The following CORO6 variants were observed in gnomAD, a reference collection of about 807,000 sequenced individuals.
CORO6 encodes coronin-6.
CORO6 carries 43 observed loss-of-function variants against 49.0 expected under a neutral mutation model. The ratio of observed to expected loss-of-function variants is 0.88; its 90% CI spans 0.69 to 1.13. The LOEUF (loss-of-function observed/expected upper bound fraction) is 1.13. Among genes scored for constraint, CORO6 ranks in the 50% most tolerant of loss-of-function variants. The pLI, the probability that CORO6 is intolerant of heterozygous loss-of-function variation, is 0.00. For missense variants in CORO6, 650 were observed against 647.0 expected, an observed-to-expected ratio of 1.00 and a Z score of -0.05; for synonymous variants, 233 against 256.5, an observed-to-expected ratio of 0.91 and a Z score of 0.88.
intron 5 of CORO6, 41 bp downstream of exon 5, chr17:29,618,749 T>A (rs755670079): frequency 6.2e-7 from 1 of 1,600,564 alleles, no homozygotes; most frequent in South Asian, 1.1e-5. Context: ...AGCTGGCCAC[T>A]GGTCAAGGGG....
rs1341385895 is a variant in CORO6 at position 29,617,601 on chromosome 17, C to G, written c.652G>C (p.Glu218Gln). 3 of 1,600,688 alleles carry G rather than the reference C, an allele frequency of 1.9e-6. No homozygotes were observed. The Admixed American group carries it at 5.2e-5, about 27-fold the overall frequency. ...QVVAERFAAHEGMRPMRAVFT... is the reference protein window; with the variant it reads ...QVVAERFAAHQGMRPMRAVFT... ...ACGGCCCGCATGGGCCTCATCCCCT[C>G]GTGGGCCGCAAACCTCTCCTGGGGG... The change falls in exon 6 of 11, where the codon GAG becomes CAG. Residue 218 changes from glutamate to glutamine, a missense_variant. By Grantham distance (29) the Glu-to-Gln change is conservative (BLOSUM62 2). Transcript: ENST00000388767.
chr17:29,618,780 A>C lies in CORO6; in HGVS notation c.633+10T>G. On this transcript the variant is annotated intron_variant, in intron 5 of 10. Transcript: ENST00000388767. Reference sequence around the variant, plus strand: ...AGGGGTTCTGGGGAGTGGCCAGGCCAGGCACTCACCGCCACCACTTGGCCT... The same window carrying C: ...AGGGGTTCTGGGGAGTGGCCAGGCCCGGCACTCACCGCCACCACTTGGCCT... The C allele has an allele frequency of 1.9e-6, 3 of 1,612,404 alleles. No individual in the cohort carries two copies. The highest frequency in any genetic ancestry group is 2.5e-6 in the Non-Finnish European group (3 of 1,179,442).
chr17:29,617,445 C>T, intron 6 of CORO6, 55 bp downstream of exon 6: 1 of 1,565,696 alleles, frequency 6.4e-7, no homozygotes, highest in Non-Finnish European at 8.6e-7. Flanking sequence ...CGCCTGGCCA[C>T]TCTCCCGTGA....
chr17:29,618,062 C>T (rs1438186658), intron 5 of CORO6: 2 of 1,500,568 alleles, frequency 1.3e-6, no homozygotes, highest in Non-Finnish European at 1.8e-6. Flanking sequence ...TCCCAGAGCG[C>T]GAGTTGCCGC....
In CORO6 at chr17:29,615,360, G is replaced by T; in HGVS notation, c.*372C>A. 5.2e-6 allele frequency: 1 copy of T among 191,552 alleles called. No homozygotes were observed. Among genetic ancestry groups the T allele is most frequent in the Admixed American group, 5.9e-5 (1 of 16,932 alleles). The allele number at this position is 191,552 out of a possible 1,614,324, so 11.9% of individuals were successfully genotyped here. A position where few individuals can be genotyped will look rare whatever the true frequency, so the allele number is the denominator to read the frequency against. ...GTACCCATCAAATCGCCACCCGTTT[G>T]AGGTCAAGCTCAGGCTCCAATAACC... On this transcript the variant is annotated 3_prime_UTR_variant, in exon 11 of 11. Coordinates refer to ENST00000388767, the MANE Select transcript of CORO6 (RefSeq NM_032854.4).
At chr17:29,622,120 A>G (rs2035336059) in intron 1 of CORO6, 1 of 153,682 alleles carries the variant, frequency 6.5e-6, no homozygotes, top group African/African-American at 2.4e-5. Context: ...TCCTTTCTGC[A>G]CTGGCTTCTC....
chr17:29,617,126 TG>T, intron 6 of CORO6, 84 bp from the exon 7 acceptor site: 1 of 1,580,056 alleles, frequency 6.3e-7, no homozygotes. Flanking sequence ...TTACGCTTCC[TG>T]GCCTTCCCAA....
At position 29,621,218 on chromosome 17, in the gene CORO6, C is replaced by G; in HGVS notation, c.198+6G>C. ...TCCCACTTGCTTCCTTTCCCTGATCCCTCACCTTGGCCAGAGGCAGGACGA... is the reference window on the plus strand; with the variant it reads ...TCCCACTTGCTTCCTTTCCCTGATCGCTCACCTTGGCCAGAGGCAGGACGA... On this transcript the variant is annotated splice_donor_region_variant and intron_variant, in intron 2 of 10. Transcript: ENST00000388767. The surrounding 1 kb of genome is among the most constrained non-coding windows in gnomAD (Gnocchi z 4.2). 6.2e-7 allele frequency: 1 copy of G among 1,614,040 alleles called. No individual in the cohort carries two copies.
Position 29,616,199 on chromosome 17 carries a change from GA to G in CORO6, c.1063-25del. 6.2e-7 allele frequency: 1 copy of G among 1,610,758 alleles called. No homozygotes were observed. Among genetic ancestry groups the G allele is most frequent in the Non-Finnish European group, 8.5e-7 (1 of 1,177,774 alleles). ...GACTGCGGGGGTGGGTGGACAGGAGGACTTGCGTGAGAGGGTGCGGGGCTTG... is the reference window on the plus strand; with the variant it reads ...GACTGCGGGGGTGGGTGGACAGGAGGCTTGCGTGAGAGGGTGCGGGGCTTG... On this transcript the variant is annotated intron_variant, in intron 9 of 10. Coordinates refer to ENST00000388767, the MANE Select transcript of CORO6 (RefSeq NM_032854.4). This position sits in a 1 kb window ranked among gnomAD's most constrained non-coding sequence, Gnocchi z 5.6.
Position 29,619,770 on chromosome 17 carries a change from C to G in CORO6, c.202G>C (p.Gly68Arg), listed in dbSNP as rs1245543428. The G allele has an allele frequency of 6.2e-7, 1 of 1,608,926 alleles. No homozygotes were observed. The highest frequency in any genetic ancestry group is 1.1e-5 in the South Asian group (1 of 90,952). Residue 68 changes from glycine to arginine, a missense_variant, in exon 3 of 11, where the codon GGG becomes CGG. Gly to Arg is a moderately radical substitution (Grantham distance 125). Coordinates refer to ENST00000388767, the MANE Select transcript of CORO6 (RefSeq NM_032854.4). Reference protein sequence around the residue: ...AFIVLPLAKTGRVDKNYPLVT... With the variant: ...AFIVLPLAKTRRVDKNYPLVT... ...AGTGGGTAGTTCTTATCCACTCGCC[C>G]TGTCTGAGGGGTTGGAGAAGAAGAT...
chr17:29,621,133 T>C lies in CORO6; in HGVS notation c.198+91A>G, dbSNP rs113619334. ...TCCACACAGATGCTTCTCCTGACTA[T>C]GGAATGGAACTAGGTGAGAACAAAG... is the stretch of plus-strand genomic sequence containing the variant. On this transcript the variant is annotated intron_variant, in intron 2 of 10. Transcript: ENST00000388767. The surrounding 1 kb of genome is among the most constrained non-coding windows in gnomAD (Gnocchi z 4.2). 4.1e-5 allele frequency: 61 copies of C among 1,498,126 alleles called. 1 individual carries two copies. The highest frequency in any genetic ancestry group is 3.4e-4 in the African/African-American group (25 of 72,672). The allele number at this position is 1,498,126 out of a possible 1,614,324, so 92.8% of individuals were successfully genotyped here.
intron 3 of CORO6, 59 bp from the exon 4 acceptor site, chr17:29,619,248 T>C: frequency 6.3e-7 from 1 of 1,586,786 alleles, no homozygotes. Flanking sequence ...GTCCCTCCAC[T>C]CCTTCCCTAC....
In CORO6 at chr17:29,621,308, G is replaced by A. The variant is rs771832728; in HGVS notation, c.114C>T (p.Ser38=). The A allele has an allele frequency of 4.0e-5, 64 of 1,614,172 alleles. No individual in the cohort carries two copies. The highest frequency in any genetic ancestry group is 5.3e-5 in the Non-Finnish European group (63 of 1,180,030). Residue 38 remains serine, a synonymous_variant, in exon 2 of 11, where the codon TCC becomes TCT. Coordinates refer to ENST00000388767, the MANE Select transcript of CORO6 (RefSeq NM_032854.4). The surrounding 1 kb of genome is among the most constrained non-coding windows in gnomAD (Gnocchi z 4.2). The stretch of plus-strand genomic sequence containing the variant: ...GGAATTTGGGGTTGACGGCACAGAA[G>A]GAGCTGTCCCATGTGACCTTGGACA... The part of the protein sequence containing the change: ...IRVSKVTWDS[S]FCAVNPKFLA...
At chr17:29,615,886 G>T (rs972028580) in intron 10 of CORO6, 29 bp from the exon 11 acceptor site, 4 of 1,595,256 alleles carry the variant, frequency 2.5e-6, no homozygotes, top group East Asian at 2.2e-5. Context: ...AGGCCGTGTC[G>T]TATAGGGGCG....
At position 29,616,386 on chromosome 17, in the gene CORO6, T is replaced by C. The variant is rs1210864305; in HGVS notation, c.1005-50A>G. ...CCTCGCAGACTTCCACGTCCTTAAC[T>C]TCTCCTGTCTAAGACCAAGGGGGTT... On this transcript the variant is annotated intron_variant, in intron 8 of 10. Transcript: ENST00000388767. This position sits in a 1 kb window ranked among gnomAD's most constrained non-coding sequence, Gnocchi z 5.6. 1 of 1,549,442 alleles carries C rather than the reference T, an allele frequency of 6.5e-7. No homozygotes were observed. The highest frequency in any genetic ancestry group is 8.7e-7 in the Non-Finnish European group (1 of 1,143,182).
At position 29,616,099 on chromosome 17, in the gene CORO6, G is replaced by A. The variant is rs2034879724; in HGVS notation, c.1139C>T (p.Ser380Phe). 3 of 1,613,074 alleles carry A rather than the reference G, an allele frequency of 1.9e-6. No individual in the cohort carries two copies. The highest frequency in any genetic ancestry group is 2.5e-6 in the Non-Finnish European group (3 of 1,180,026). The change falls in exon 10 of 11, where the codon TCC (serine) becomes TTC (phenylalanine). Residue 380 changes from serine (S) to phenylalanine (F), a missense_variant. Transcript: ENST00000388767. This position sits in a 1 kb window ranked among gnomAD's most constrained non-coding sequence, Gnocchi z 5.6. ...EPALEADEWLSGQDAEPVLIS... is the reference protein window; with the variant it reads ...EPALEADEWLFGQDAEPVLIS... ...GAGCACGGGTTCGGCGTCCTGGCCG[G>A]ATAGCCATTCGTCCGCTTCTAGGGC...
chr17:29,618,731 G>T, intron 5 of CORO6, 59 bp downstream of exon 5: 2 of 1,576,102 alleles, frequency 1.3e-6, no homozygotes, highest in East Asian at 2.3e-5. Context: ...GGGTACAAGG[G>T]TGCTGACAGC....
chr17:29,619,866 C>A (rs1355111246), intron 2 of CORO6, 93 bp from the exon 3 acceptor site: 3 of 1,187,642 alleles, frequency 2.5e-6, no homozygotes, highest in Admixed American at 3.7e-5. Flanking sequence ...TTCCTTATTA[C>A]CTATTTTCTC....
At chr17:29,617,720 G>T in intron 5 of CORO6, 101 bp from the exon 6 acceptor site, 1 of 1,290,192 alleles carries the variant, frequency 7.8e-7, no homozygotes, top group Non-Finnish European at 1.0e-6. Context: ...GTCCGGGGTG[G>T]AGGAGCGGAT....
Sources: gnomAD v4.1 joint callset for allele counts on GRCh38, gnomAD v4.1.1 for gene constraint, Gnocchi (gnomAD v3.1) non-coding constraint, MANE v1.5 for transcripts, NCBI Gene and HGNC (gene_info 2026-07-23, HGNC 2026-07-21) for gene names.